The following MAN2A1 variants were observed in gnomAD, a reference collection of about 807,000 sequenced individuals.
The protein encoded by MAN2A1 is alpha-mannosidase 2.
MAN2A1 carries 76 observed loss-of-function variants against 142.6 expected under a neutral mutation model. The ratio of observed to expected loss-of-function variants is 0.53; its 90% confidence interval spans 0.44 to 0.65. MAN2A1 has a LOEUF of 0.65. MAN2A1 is among the 30% of genes least tolerant of loss of function. The pLI, the probability that MAN2A1 is intolerant of heterozygous loss-of-function variation, is 0.00. For missense variants in MAN2A1, 1,311 were observed against 1,365.1 expected (o/e 0.96, Z 0.62); for synonymous variants, 559 against 473.2 (o/e 1.18, Z -2.35).
Position 109,690,209 on chromosome 5 carries a change from G to C in MAN2A1, c.-209G>C, listed in dbSNP as rs761694683. ...CTCGAGAGGGGCGCCCGACCCCGGGGAGGGCGGCAGGCCAGGGCGAAGGCC... is the reference window on the plus strand; with the variant it reads ...CTCGAGAGGGGCGCCCGACCCCGGGCAGGGCGGCAGGCCAGGGCGAAGGCC... On this transcript the variant is annotated 5_prime_UTR_variant, in exon 1 of 22. Transcript: ENST00000261483. 1 of 543,654 alleles carries C rather than the reference G, an allele frequency of 1.8e-6. No homozygotes were observed. The highest frequency in any genetic ancestry group is 1.9e-5 in the African/African-American group (1 of 52,164). The allele number at this position is 543,654 out of a possible 1,614,324, so 33.7% of individuals were successfully genotyped here.
chr5:109,753,600 G>A (rs995685380), intron 4 of MAN2A1, among the ~76,000 whole-genome samples: 4 of 152,050 alleles, frequency 2.6e-5, no homozygotes, highest in South Asian at 2.1e-4. Context: ...TAGAAATTAC[G>A]TCCATTATCC....
At chr5:109,800,823 G>C (rs950058265) in intron 12 of MAN2A1, among the ~76,000 whole-genome samples, 3 of 151,940 alleles carry the variant, frequency 2.0e-5, no homozygotes, top group Non-Finnish European at 4.4e-5. Flanking sequence ...TACATAGGAG[G>C]TGTTTGCTAA....
At chr5:109,732,924 A>T (rs964017118) in intron 4 of MAN2A1, among the ~76,000 whole-genome samples, 1 of 152,092 alleles carries the variant, frequency 6.6e-6, no homozygotes, top group African/African-American at 2.4e-5. Context: ...CTTGATGGGG[A>T]TGGCATTGAA....
intron 2 of MAN2A1, 122 bp from the exon 3 acceptor site, chr5:109,715,998 G>A (rs887250849): frequency 1.7e-6 from 1 of 598,866 alleles, no homozygotes; most frequent in Non-Finnish European, 2.7e-6. Flanking sequence ...AATGTCTACA[G>A]AAATAGTTTT....
intron 4 of MAN2A1, among the ~76,000 whole-genome samples, chr5:109,745,129 G>A (rs897946092): frequency 2.0e-5 from 3 of 152,022 alleles, no homozygotes; most frequent in South Asian, 2.1e-4. Flanking sequence ...GGATTGGAAC[G>A]GGGCATGAGG....
intron 15 of MAN2A1, among the ~76,000 whole-genome samples, chr5:109,822,483 A>C (rs1485683257): frequency 6.6e-6 from 1 of 152,188 alleles, no homozygotes; most frequent in African/African-American, 2.4e-5. Context: ...CATCAGGGAA[A>C]GAGGCAGTCT....
chr5:109,836,317 A>G (rs1268861586), intron 16 of MAN2A1, among the ~76,000 whole-genome samples: 1 of 151,660 alleles, frequency 6.6e-6, no homozygotes, highest in Admixed American at 6.6e-5. Context: ...GTGTTTCGCT[A>G]TGTTGGGCAG....
At chr5:109,739,516 C>T (rs1228463540) in intron 4 of MAN2A1, among the ~76,000 whole-genome samples, 1 of 152,122 alleles carries the variant, frequency 6.6e-6, no homozygotes, top group Non-Finnish European at 1.5e-5. Context: ...TCCCTCGGTT[C>T]AGTACTCTGG....
At chr5:109,830,732 T>C (rs1022299041) in intron 16 of MAN2A1, among the ~76,000 whole-genome samples, 19 of 152,194 alleles carry the variant, frequency 1.2e-4, no homozygotes, top group African/African-American at 4.3e-4. Context: ...TTTTGGAATA[T>C]CATAATATGC....
At chr5:109,726,786 G>T (rs924965807) in intron 3 of MAN2A1, among the ~76,000 whole-genome samples, 5 of 152,068 alleles carry the variant, frequency 3.3e-5, no homozygotes, top group African/African-American at 1.2e-4. Flanking sequence ...TGCCTTTTAT[G>T]CTAGATTACT....
At chr5:109,735,838 A>G (rs1752076660) in intron 4 of MAN2A1, among the ~76,000 whole-genome samples, 2 of 150,650 alleles carry the variant, frequency 1.3e-5, no homozygotes, top group Admixed American at 1.3e-4. Flanking sequence ...ACATTTAAAG[A>G]TAATTTGGGG....
At chr5:109,706,361 T>C (rs1751131767) in intron 1 of MAN2A1, among the ~76,000 whole-genome samples, 1 of 152,336 alleles carries the variant, frequency 6.6e-6, no homozygotes, top group Non-Finnish European at 1.5e-5. Flanking sequence ...AGCCATACTT[T>C]TACTATGTAG....
chr5:109,825,287 T>G (rs1055853793), intron 16 of MAN2A1, among the ~76,000 whole-genome samples: 9 of 152,180 alleles, frequency 5.9e-5, no homozygotes, highest in African/African-American at 1.9e-4. Flanking sequence ...AAACTATTGT[T>G]TTTTAGTGGA....
At chr5:109,857,467 G>C (rs1211139212) in intron 20 of MAN2A1, among the ~76,000 whole-genome samples, 1 of 152,120 alleles carries the variant, frequency 6.6e-6, no homozygotes, top group African/African-American at 2.4e-5. Flanking sequence ...GGACATCAGC[G>C]ACCTGAAGAA....
chr5:109,836,392 A>C (rs761335824), intron 16 of MAN2A1, among the ~76,000 whole-genome samples: 24 of 151,632 alleles, frequency 1.6e-4, no homozygotes, highest in Admixed American at 1.1e-3. Context: ...CTGGAATTAC[A>C]GGCATGAGCC....
chr5:109,798,598 G>A (rs1753926539), intron 12 of MAN2A1, among the ~76,000 whole-genome samples: 1 of 152,148 alleles, frequency 6.6e-6, no homozygotes, highest in Non-Finnish European at 1.5e-5. Context: ...GGGCTACCCT[G>A]ATCATCTTGT....
chr5:109,819,657 T>C lies in MAN2A1; in HGVS notation c.2110-12T>C. On this transcript the variant is annotated splice_polypyrimidine_tract_variant and intron_variant, in intron 13 of 21. Transcript: ENST00000261483. ...TTTATCTTTAATAAATTCCCTTCCC[T>C]ATCTTTTAAAGATCTCTTTTCGAGC... 1.3e-6 allele frequency: 2 copies of C among 1,490,086 alleles called. No individual in the cohort carries two copies. Among genetic ancestry groups the C allele is most frequent in the African/African-American group, 1.4e-5 (1 of 70,368 alleles). 92.3% of individuals were successfully genotyped at this position (1,490,086 alleles called of 1,614,324 possible).
chr5:109,742,190 T>C (rs886641579), intron 4 of MAN2A1, among the ~76,000 whole-genome samples: 1 of 152,248 alleles, frequency 6.6e-6, no homozygotes, highest in African/African-American at 2.4e-5. Flanking sequence ...ATATTGCATC[T>C]GCTCTTGCTA....
At chr5:109,695,394 A>G (rs1025395360) in intron 1 of MAN2A1, among the ~76,000 whole-genome samples, 2 of 152,212 alleles carry the variant, frequency 1.3e-5, no homozygotes, top group African/African-American at 4.8e-5. Flanking sequence ...AATAGTGGCT[A>G]AAATGACCAC....
Sources: gnomAD v4.1 joint callset for allele counts (sites outside exome capture counted in the v4.1 genomes callset) on GRCh38, gnomAD v4.1.1 for gene constraint, MANE v1.5 for transcripts, NCBI Gene and HGNC (gene_info 2026-07-23, HGNC 2026-07-21) for gene names.